Variants in NDRG2 observed in about 807,000 individuals in gnomAD.
The protein encoded by NDRG2 is protein NDRG2.
In NDRG2, 34 loss-of-function variants were observed where a neutral mutation model predicts 58.2. That is an observed-to-expected ratio of 0.58 (90% CI 0.44 to 0.78). The LOEUF (loss-of-function observed/expected upper bound fraction) is 0.78, where lower values mean the gene tolerates loss of function less well. Among genes scored for constraint, NDRG2 ranks in the 30% least tolerant of loss-of-function variants. NDRG2 has a pLI of 0.00. For missense variants in NDRG2, 434 were observed against 471.2 expected, an observed-to-expected ratio of 0.92 and a Z score of 0.73; for synonymous variants, 187 against 175.9, an observed-to-expected ratio of 1.06 and a Z score of -0.50.
At chr14:21,031,908 G>C in intron 1 of NDRG2, 1 of 1,614,012 alleles carries the variant, frequency 6.2e-7, no homozygotes, top group South Asian at 1.1e-5. Context: ...ACAACAGTGG[G>C]TGCAGTGGAC....
intron 1 of NDRG2, among the ~76,000 whole-genome samples, chr14:21,067,349 A>G (rs1182205876): frequency 1.3e-5 from 2 of 152,184 alleles, no homozygotes; most frequent in Non-Finnish European, 2.9e-5. Context: ...GGCTTCTACA[A>G]AAACAAATTT....
chr14:21,048,195 C>G (rs1885289593), intron 1 of NDRG2: 1 of 152,044 alleles, frequency 6.6e-6, no homozygotes, highest in Non-Finnish European at 1.5e-5. Context: ...AATGTCCTCC[C>G]CCTACCCCCA....
intron 1 of NDRG2, chr14:21,033,842 G>C: frequency 6.2e-7 from 1 of 1,612,590 alleles, no homozygotes; most frequent in Non-Finnish European, 8.5e-7. Context: ...AGAGACCAGC[G>C]ATACCTATTG....
chr14:21,038,719 G>C (rs1342345160), intron 1 of NDRG2, among the ~76,000 whole-genome samples: 1 of 152,200 alleles, frequency 6.6e-6, no homozygotes, highest in African/African-American at 2.4e-5. Context: ...ATGATACTTT[G>C]CTCTGTAGAT....
At chr14:21,030,937 G>A (rs1243885099) in intron 1 of NDRG2, 17 of 1,545,412 alleles carry the variant, frequency 1.1e-5, no homozygotes, top group South Asian at 8.9e-5. Context: ...CCAAATCTGA[G>A]TGAGGCAAGA....
intron 6 of NDRG2, chr14:21,021,314 G>A (rs140588605): frequency 6.5e-5 from 23 of 354,792 alleles, no homozygotes; most frequent in Non-Finnish European, 1.1e-4. Context: ...GAGCTGCTGA[G>A]CCCTGGTGCC....
At chr14:21,022,371 G>A (rs377217262) in intron 4 of NDRG2, 21 bp downstream of exon 4, 13 of 1,602,150 alleles carry the variant, frequency 8.1e-6, no homozygotes, top group South Asian at 2.2e-5. Context: ...ACAGGAGTGG[G>A]AGATGAATGA....
upstream of NDRG2, chr14:21,025,391 G>A (rs1443488479): frequency 2.0e-6 from 2 of 985,430 alleles, no homozygotes; most frequent in Admixed American, 6.1e-5. This position sits in a 1 kb window ranked among gnomAD's most constrained non-coding sequence, Gnocchi z 5.1. Context: ...CCCCATCCAC[G>A]ACCTGGATCT....
At chr14:21,025,062 G>A, upstream of NDRG2, 1 of 985,866 alleles carries the variant, frequency 1.0e-6, no homozygotes, top group Non-Finnish European at 1.2e-6. The surrounding 1 kb of genome is among the most constrained non-coding windows in gnomAD (Gnocchi z 5.1). Context: ...ACCTTCACTT[G>A]CCTTTGACTC....
intron 1 of NDRG2, among the ~76,000 whole-genome samples, chr14:21,069,964 A>T (rs74036582): frequency 0.015 from 2,246 of 152,264 alleles, 52 homozygotes; most frequent in African/African-American, 0.05. Context: ...GCCGAGGCTA[A>T]ACTGATCCCG....
At chr14:21,043,448 GGACA>G in intron 1 of NDRG2, 1 of 1,595,124 alleles carries the variant, frequency 6.3e-7, no homozygotes, top group Non-Finnish European at 8.5e-7. Flanking sequence ...CTGTACACTT[GGACA>G]GAGTCCTTTA....
chr14:21,036,096 A>T, intron 1 of NDRG2: 1 of 424,818 alleles, frequency 2.4e-6, no homozygotes, highest in Non-Finnish European at 4.7e-6. Flanking sequence ...GCACATGGTG[A>T]GTCCTCAGTA....
At chr14:21,019,599 C>T in intron 10 of NDRG2, 40 bp downstream of exon 10, 1 of 1,357,142 alleles carries the variant, frequency 7.4e-7, no homozygotes, top group African/African-American at 1.4e-5. Flanking sequence ...ATTACTGCTT[C>T]TGCATTTCTC....
At chr14:21,029,539 G>A (rs1185494598), upstream of NDRG2, among the ~76,000 whole-genome samples, 1 of 152,232 alleles carries the variant, frequency 6.6e-6, no homozygotes, top group African/African-American at 2.4e-5. Context: ...GGAGGTTGCA[G>A]TGCCCCAGGA....
intron 6 of NDRG2, chr14:21,021,072 C>A: frequency 1.5e-6 from 1 of 661,410 alleles, no homozygotes; most frequent in Admixed American, 2.1e-5. Context: ...TGCTGGAGAG[C>A]TAGTGTCTTA....
intron 1 of NDRG2, chr14:21,035,856 C>G: frequency 2.2e-6 from 1 of 456,174 alleles, no homozygotes; most frequent in Non-Finnish European, 4.4e-6. Context: ...CTCCCCAATC[C>G]CAGCTACGGG....
chr14:21,038,633 G>A (rs926085093), intron 1 of NDRG2, among the ~76,000 whole-genome samples: 2 of 152,184 alleles, frequency 1.3e-5, no homozygotes, highest in East Asian at 3.8e-4. Context: ...GGCACTCAGT[G>A]GGAGAAAAAT....
chr14:21,031,235 A>G (rs1472228070), intron 1 of NDRG2: 1 of 1,552,906 alleles, frequency 6.4e-7, no homozygotes, highest in Non-Finnish European at 8.7e-7. Context: ...ACCCTCCCTA[A>G]CCCTGCCAAC....
intron 1 of NDRG2, among the ~76,000 whole-genome samples, chr14:21,055,725 C>G (rs938824179): frequency 7.2e-5 from 11 of 152,212 alleles, no homozygotes; most frequent in African/African-American, 2.7e-4. Context: ...CTACCATCCC[C>G]ACCCTCTCAT....
Sources: allele counts gnomAD v4.1 joint callset (sites outside exome capture counted in the v4.1 genomes callset), GRCh38; gene constraint gnomAD v4.1.1; non-coding constraint Gnocchi (gnomAD v3.1); transcripts MANE v1.5; gene names NCBI Gene and HGNC (gene_info 2026-07-23, HGNC 2026-07-21).